The following AQP9 variants were observed in gnomAD, a reference collection of about 807,000 sequenced individuals.
The protein encoded by AQP9 is aquaporin 9, also known as aquaporin-9.
In AQP9, 19 loss-of-function variants were observed where a neutral mutation model predicts 23.8. The observed-to-expected ratio is 0.80, with a 90% CI of 0.56 to 1.17. AQP9 has a LOEUF of 1.17. Ranked by LOEUF, AQP9 falls within the 50% of genes most tolerant of loss-of-function variation. The pLI is 0.00. For synonymous variants in AQP9, 153 were observed against 131.5 expected (o/e 1.16, Z -1.12); for missense variants, 413 against 362.0 (o/e 1.14, Z -1.14).
At chr15:58,144,372 ACTGT>A (rs779801883) in intron 1 of AQP9, among the ~76,000 whole-genome samples, 1 of 152,130 alleles carries the variant, frequency 6.6e-6, no homozygotes, top group Admixed American at 6.6e-5. Flanking sequence ...GCCAGTTTTG[ACTGT>A]CTATCTTTTC....
At chr15:58,174,777 T>G (rs971150560) in intron 3 of AQP9, 141 bp from the exon 4 acceptor site, 1 of 693,060 alleles carries the variant, frequency 1.4e-6, no homozygotes, top group African/African-American at 1.8e-5. Flanking sequence ...AAACTATCAT[T>G]CCTCGGAAGT....
intron 2 of AQP9, among the ~76,000 whole-genome samples, chr15:58,170,709 T>C (rs1898601557): frequency 6.6e-6 from 1 of 152,118 alleles, no homozygotes; most frequent in Admixed American, 6.5e-5. Flanking sequence ...TGCCTATTTC[T>C]TCAGCTTTTA....
chr15:58,157,252 G>C (rs1282280448), intron 1 of AQP9, among the ~76,000 whole-genome samples: 1 of 152,166 alleles, frequency 6.6e-6, no homozygotes, highest in Admixed American at 6.5e-5. Flanking sequence ...CAGAACTCAT[G>C]TTCTTGGGTC....
chr15:58,173,060 C>A lies in AQP9; in HGVS notation c.239-8C>A. The A allele has an allele frequency of 6.2e-7, 1 of 1,613,820 alleles. No individual in the cohort carries two copies. The highest frequency in any genetic ancestry group is 8.5e-7 in the Non-Finnish European group (1 of 1,179,712). On this transcript the variant is annotated splice_region_variant and splice_polypyrimidine_tract_variant and intron_variant, in intron 2 of 5. Coordinates refer to ENST00000219919, the MANE Select transcript of AQP9 (RefSeq NM_020980.5). ...CTGCCCTCTCACTTCTCCAATCTTC[C>A]CTTGCAGGTGGTCACATCAACCCAG...
intron 1 of AQP9, chr15:58,151,465 C>T (rs1051200558): frequency 6.6e-6 from 1 of 152,048 alleles, no homozygotes; most frequent in Non-Finnish European, 1.5e-5. Context: ...GATAATTCAT[C>T]TAACTTCTCA....
intron 4 of AQP9, among the ~76,000 whole-genome samples, chr15:58,177,867 G>A (rs2140631872): frequency 6.6e-6 from 1 of 152,180 alleles, no homozygotes; most frequent in East Asian, 1.9e-4. Flanking sequence ...TATCATTTTT[G>A]TTTATTGTCT....
chr15:58,140,646 T>A (rs1897935302), intron 1 of AQP9, among the ~76,000 whole-genome samples: 2 of 152,346 alleles, frequency 1.3e-5, no homozygotes, highest in South Asian at 4.1e-4. Context: ...TATTAGAGAA[T>A]GTGCATTTTG....
At chr15:58,142,838 C>G (rs1334332799) in intron 1 of AQP9, among the ~76,000 whole-genome samples, 3 of 152,078 alleles carry the variant, frequency 2.0e-5, no homozygotes, top group Non-Finnish European at 4.4e-5. Flanking sequence ...TCTAGGGTGC[C>G]CAGGACTGAG....
chr15:58,177,750 TA>T (rs1465919723), intron 4 of AQP9, among the ~76,000 whole-genome samples: 1 of 152,178 alleles, frequency 6.6e-6, no homozygotes, highest in Non-Finnish European at 1.5e-5. Flanking sequence ...TGGCACATAA[TA>T]AATGTTCAAT....
intron 5 of AQP9, 125 bp downstream of exon 5, chr15:58,179,470 T>A: frequency 1.3e-6 from 1 of 773,742 alleles, no homozygotes; most frequent in Non-Finnish European, 2.1e-6. Flanking sequence ...CACACTCTGG[T>A]CATAAGCATG....
intron 2 of AQP9, among the ~76,000 whole-genome samples, chr15:58,169,602 A>G (rs1383393876): frequency 2.6e-5 from 4 of 152,194 alleles, no homozygotes; most frequent in Non-Finnish European, 5.9e-5. Flanking sequence ...AAAAGTAACC[A>G]ATTTATACTG....
intron 1 of AQP9, among the ~76,000 whole-genome samples, chr15:58,156,716 C>T (rs376254682): frequency 6.6e-6 from 1 of 152,178 alleles, no homozygotes; most frequent in Admixed American, 6.5e-5. Context: ...CTCAGGGCCT[C>T]ATTCCCCTGT....
chr15:58,172,630 C>T (rs1898648846), intron 2 of AQP9, among the ~76,000 whole-genome samples: 1 of 152,186 alleles, frequency 6.6e-6, no homozygotes, highest in African/African-American at 2.4e-5. Context: ...TTTATATCCT[C>T]TGGGCATGGC....
At chr15:58,159,180 G>A (rs1235902472) in intron 1 of AQP9, among the ~76,000 whole-genome samples, 1 of 152,072 alleles carries the variant, frequency 6.6e-6, no homozygotes, top group East Asian at 1.9e-4. Context: ...CTTGTCACAG[G>A]GGTCATGGCT....
chr15:58,159,868 T>C (rs1284335572), intron 1 of AQP9, among the ~76,000 whole-genome samples: 1 of 152,244 alleles, frequency 6.6e-6, no homozygotes, highest in Non-Finnish European at 1.5e-5. Context: ...TAATGTTTCA[T>C]TGCGTATATA....
intron 1 of AQP9, among the ~76,000 whole-genome samples, chr15:58,154,593 T>C (rs1349503917): frequency 2.9e-5 from 1 of 34,438 alleles, no homozygotes; most frequent in Non-Finnish European, 1.3e-4. Context: ...CATCCCATCA[T>C]ACTCATTCAC....
intron 4 of AQP9, among the ~76,000 whole-genome samples, 158 bp downstream of exon 4, chr15:58,175,194 C>T (rs1325728697): frequency 2.6e-5 from 4 of 152,208 alleles, no homozygotes; most frequent in Non-Finnish European, 4.4e-5. Context: ...AATCGTTTTA[C>T]CTTTACAAGG....
intron 1 of AQP9, among the ~76,000 whole-genome samples, chr15:58,147,987 G>A (rs1475369567): frequency 6.6e-6 from 1 of 152,074 alleles, no homozygotes; most frequent in Non-Finnish European, 1.5e-5. Flanking sequence ...TACCTGTGGA[G>A]AATAATATTT....
intron 1 of AQP9, chr15:58,152,080 A>G (rs191426606): frequency 9.2e-5 from 14 of 152,296 alleles, no homozygotes; most frequent in African/African-American, 3.1e-4. Context: ...AGTCACCCTT[A>G]TAATTGCCCA....
Sources: allele counts gnomAD v4.1 joint callset (sites outside exome capture counted in the v4.1 genomes callset), GRCh38; gene constraint gnomAD v4.1.1; transcripts MANE v1.5; gene names NCBI Gene and HGNC (gene_info 2026-07-23, HGNC 2026-07-21).